Variants in LRBA observed in about 807,000 individuals in gnomAD.
LRBA encodes lipopolysaccharide-responsive and beige-like anchor protein.
In LRBA, 176 loss-of-function variants were observed where a neutral mutation model predicts 330.0. That is an observed-to-expected ratio of 0.53 (90% CI 0.47 to 0.60). The LOEUF (loss-of-function observed/expected upper bound fraction) is 0.60. Among genes scored for constraint, LRBA ranks in the 20% least tolerant of loss-of-function variants. The pLI, the probability that LRBA is intolerant of heterozygous loss-of-function variation, is 0.00. For synonymous variants in LRBA, 1,230 were observed against 1,193.0 expected (o/e 1.03, Z -0.64); for missense variants, 3,259 against 3,444.8 (o/e 0.95, Z 1.35).
intron 46 of LRBA, among the ~76,000 whole-genome samples, chr4:150,420,503 C>T (rs187308408): frequency 0.5 from 22,803 of 45,166 alleles, 8,831 homozygotes; most frequent in Admixed American, 0.58. Context: ...ATATATAATA[C>T]ACATTATAAT....
intron 42 of LRBA, among the ~76,000 whole-genome samples, chr4:150,477,769 G>A (rs900654770): frequency 8.6e-5 from 13 of 151,636 alleles, no homozygotes; most frequent in African/African-American, 3.2e-4. Context: ...CCCCCTCCCC[G>A]CTTCTTCCTC....
At chr4:150,559,833 A>AT (rs1767972572) in intron 40 of LRBA, among the ~76,000 whole-genome samples, 1 of 56,960 alleles carries the variant, frequency 1.8e-5, no homozygotes, top group Non-Finnish European at 3.3e-5. Context: ...ATAATATAAA[A>AT]TATAATATAT....
chr4:150,929,212 T>C, intron 2 of LRBA, 147 bp from the exon 3 acceptor site: 2 of 545,660 alleles, frequency 3.7e-6, no homozygotes, highest in South Asian at 3.1e-5. Context: ...CTCAAAAAAC[T>C]GAAGTTTCTG....
chr4:150,688,326 C>T (rs187374322), intron 36 of LRBA, among the ~76,000 whole-genome samples: 41 of 152,198 alleles, frequency 2.7e-4, no homozygotes, highest in African/African-American at 8.2e-4. Context: ...AAGATTTAAA[C>T]GTAAGACCTA....
At position 150,383,110 on chromosome 4, in the gene LRBA, T is replaced by C. The variant is rs139813222; in HGVS notation, c.7194+32328A>G. Among the ~76,000 whole-genome samples the C allele has an allele frequency of 4.1e-3, 630 of 152,356 alleles. 4 individuals are homozygous for C. Among genetic ancestry groups the C allele is most frequent in the African/African-American group, 0.014 (566 of 41,574 alleles). On this transcript the variant is annotated intron_variant, in intron 47 of 56. Coordinates refer to ENST00000651943, the MANE Select transcript of LRBA (RefSeq NM_001364905.1). The stretch of plus-strand genomic sequence containing the variant: ...TAGCACATCTTATGGATGATTAACA[T>C]TAGCAAGGAAGAGTACTGCCTACAG...
At chr4:150,557,621 G>C (rs1767498890) in intron 40 of LRBA, among the ~76,000 whole-genome samples, 1 of 151,862 alleles carries the variant, frequency 6.6e-6, no homozygotes, top group Admixed American at 6.6e-5. Context: ...ACCTTTGACA[G>C]CTTTAAAGAG....
At chr4:150,693,559 G>A (rs1168731464) in intron 36 of LRBA, among the ~76,000 whole-genome samples, 2 of 13,938 alleles carry the variant, frequency 1.4e-4, no homozygotes, top group East Asian at 2.1e-3. Context: ...GCGAGACTCC[G>A]TCTCAAAAAA....
At chr4:150,976,762 C>T (rs1468524714) in intron 2 of LRBA, among the ~76,000 whole-genome samples, 2 of 152,134 alleles carry the variant, frequency 1.3e-5, no homozygotes, top group African/African-American at 4.8e-5. Context: ...AATTGCTATT[C>T]CCCCCAAAAG....
chr4:150,571,508 C>T (rs1366646666), intron 40 of LRBA, among the ~76,000 whole-genome samples: 1 of 151,946 alleles, frequency 6.6e-6, no homozygotes, highest in Non-Finnish European at 1.5e-5. Context: ...TTGATAGTTG[C>T]CATCTTTCAC....
At chr4:150,917,318 T>C (rs1732745009) in intron 5 of LRBA, among the ~76,000 whole-genome samples, 2 of 152,094 alleles carry the variant, frequency 1.3e-5, no homozygotes, top group Admixed American at 1.3e-4. Flanking sequence ...TCTTGTATTC[T>C]TCATTTCTTA....
chr4:150,871,515 A>G, intron 18 of LRBA, 62 bp from the exon 19 acceptor site: 1 of 911,712 alleles, frequency 1.1e-6, no homozygotes, highest in East Asian at 2.4e-5. Flanking sequence ...CTTAATATGC[A>G]TGCTGGATGA....
At chr4:151,006,102 G>A (rs1744043641) in intron 2 of LRBA, among the ~76,000 whole-genome samples, 1 of 152,178 alleles carries the variant, frequency 6.6e-6, no homozygotes, top group Non-Finnish European at 1.5e-5. Context: ...AGCACTGCAG[G>A]AGGCCAAGGC....
chr4:150,997,481 T>C (rs1176438541), intron 2 of LRBA, among the ~76,000 whole-genome samples: 1 of 152,206 alleles, frequency 6.6e-6, no homozygotes, highest in East Asian at 1.9e-4. Flanking sequence ...AGTTCTCTAT[T>C]GATACAAATG....
chr4:150,853,417 C>A (rs1750854601), intron 22 of LRBA, among the ~76,000 whole-genome samples: 1 of 152,134 alleles, frequency 6.6e-6, no homozygotes, highest in Admixed American at 6.5e-5. Flanking sequence ...ATCTATTAAG[C>A]TACAAAACCA....
chr4:150,930,968 T>C (rs1734426364), intron 2 of LRBA, among the ~76,000 whole-genome samples: 1 of 152,244 alleles, frequency 6.6e-6, no homozygotes. Flanking sequence ...ATAAGCTATC[T>C]ATTATACTAT....
At chr4:150,748,952 A>G (rs893207172) in intron 35 of LRBA, among the ~76,000 whole-genome samples, 1 of 152,180 alleles carries the variant, frequency 6.6e-6, no homozygotes, top group Non-Finnish European at 1.5e-5. Context: ...CCCAGCCCTC[A>G]TCACACACTG....
At chr4:150,557,099 T>A (rs1165129011) in intron 40 of LRBA, among the ~76,000 whole-genome samples, 1 of 152,122 alleles carries the variant, frequency 6.6e-6, no homozygotes, top group Admixed American at 6.6e-5. Context: ...AGCTACAAGA[T>A]GAGCCTTGAG....
chr4:150,822,665 G>A (rs1301698758), intron 30 of LRBA, among the ~76,000 whole-genome samples: 3 of 152,030 alleles, frequency 2.0e-5, no homozygotes, highest in Admixed American at 6.6e-5. Flanking sequence ...GAGGAAGAAC[G>A]ATCCCTTGAT....
intron 37 of LRBA, among the ~76,000 whole-genome samples, chr4:150,674,909 A>G (rs1936546961): frequency 6.6e-6 from 1 of 151,912 alleles, no homozygotes; most frequent in Non-Finnish European, 1.5e-5. Flanking sequence ...AAACCAAACT[A>G]ATACCAACTA....
Sources: allele counts gnomAD v4.1 joint callset (sites outside exome capture counted in the v4.1 genomes callset), GRCh38; gene constraint gnomAD v4.1.1; transcripts MANE v1.5; gene names NCBI Gene and HGNC (gene_info 2026-07-23, HGNC 2026-07-21).